The following TRIM37 variants were observed in gnomAD, a reference collection of about 807,000 sequenced individuals.
TRIM37 encodes E3 ubiquitin-protein ligase TRIM37.
In TRIM37, 80 loss-of-function variants were observed where a neutral mutation model predicts 129.8. The observed-to-expected ratio is 0.62, with a 90% CI of 0.51 to 0.74. TRIM37 has a LOEUF of 0.74. TRIM37 is among the 30% of genes least tolerant of loss of function. The pLI is 0.00. For missense variants in TRIM37, 1,054 were observed against 1,176.5 expected (o/e 0.90, Z 1.52); for synonymous variants, 389 against 387.1 (o/e 1.00, Z -0.06).
At chr17:59,086,871 A>G (rs1568213357) in intron 4 of TRIM37, among the ~76,000 whole-genome samples, 1 of 152,218 alleles carries the variant, frequency 6.6e-6, no homozygotes, top group Non-Finnish European at 1.5e-5. Flanking sequence ...GTAGCAGTCT[A>G]TTCCTTTTGA....
Position 59,056,995 on chromosome 17 carries a change from A to G in TRIM37, c.1079T>C (p.Ile360Thr). The change falls in exon 13 of 24, where the codon ATT becomes ACT. Residue 360 changes from isoleucine to threonine, a missense_variant. Ile to Thr is a moderately conservative substitution (Grantham distance 89). Around this residue, in one of 3 missense-constraint regions of TRIM37, gnomAD observed 752 missense variants for 870.8 expected, o/e 0.86. Coordinates refer to ENST00000262294, the MANE Select transcript of TRIM37 (RefSeq NM_015294.6). ...QSCNDPTKNI[I>T]REFASDFEVG... ...TTCAAAGTCAGATGCAAATTCTCGA[A>G]TGATATTTTTTGTAGGATCATTACA... The G allele has an allele frequency of 1.2e-6, 2 of 1,613,908 alleles. No individual in the cohort carries two copies. The highest frequency in any genetic ancestry group is 1.7e-6 in the Non-Finnish European group (2 of 1,179,912).
chr17:59,006,657 G>C (rs1452832108), intron 22 of TRIM37, among the ~76,000 whole-genome samples: 3 of 152,120 alleles, frequency 2.0e-5, no homozygotes, highest in Non-Finnish European at 4.4e-5. Flanking sequence ...GGGTGGCCAA[G>C]GCAGGCAGAT....
intron 2 of TRIM37, among the ~76,000 whole-genome samples, chr17:59,100,982 A>G (rs2045405328): frequency 6.7e-6 from 1 of 149,594 alleles, no homozygotes; most frequent in South Asian, 2.1e-4. Context: ...AGATCGCGTC[A>G]TTGCACTCCA....
At chr17:58,985,466 G>A (rs1273598836) in intron 24 of TRIM37, among the ~76,000 whole-genome samples, 1 of 152,146 alleles carries the variant, frequency 6.6e-6, no homozygotes, top group Non-Finnish European at 1.5e-5. Context: ...ACTAAGCGGT[G>A]GTCATCAAAT....
intron 12 of TRIM37, 54 bp downstream of exon 12, chr17:59,060,977 TA>T (rs2041436686): frequency 7.6e-7 from 1 of 1,317,764 alleles, no homozygotes; most frequent in Admixed American, 1.7e-5. Flanking sequence ...CAAAAATTGC[TA>T]GGGGGAAGGT....
chr17:58,972,188 T>C, the TRIM37 span: 3 of 1,614,090 alleles, frequency 1.9e-6, no homozygotes, highest in Admixed American at 5.0e-5. Context: ...ACATGCTACA[T>C]GTGGCCTGGG....
downstream of TRIM37, chr17:58,981,742 T>C (rs1212308822): frequency 1.2e-5 from 1 of 85,128 alleles, no homozygotes; most frequent in Non-Finnish European, 2.3e-5. Context: ...CATAACCTGT[T>C]ATGGTGCTTT....
chr17:59,056,147 T>TC lies in TRIM37; in HGVS notation c.1199+727dup, dbSNP rs1273667215. On this transcript the variant is annotated intron_variant, in intron 13 of 23. Coordinates refer to ENST00000262294, the MANE Select transcript of TRIM37 (RefSeq NM_015294.6). ...TCCAAATGGTGAGGTCACTAGAAGT[T>TC]CAACAGACAAATGGAACATTACTAT... 1.1e-4 allele frequency among the ~76,000 whole-genome samples: 17 copies of TC among 152,244 alleles called. No individual in the cohort carries two copies. The East Asian group carries it at 2.9e-3, about 26-fold the overall frequency.
At chr17:59,056,580 A>T (rs2040895066) in intron 13 of TRIM37, among the ~76,000 whole-genome samples, 1 of 151,680 alleles carries the variant, frequency 6.6e-6, no homozygotes, top group Non-Finnish European at 1.5e-5. Context: ...ATAGTAAAAA[A>T]TTAGCCAGGC....
chr17:59,079,795 C>T lies in TRIM37; in HGVS notation c.575G>A (p.Arg192Gln). The T allele has an allele frequency of 6.2e-7, 1 of 1,614,046 alleles. No individual in the cohort carries two copies. The highest frequency in any genetic ancestry group is 8.5e-7 in the Non-Finnish European group (1 of 1,179,960). ...IRNAVEMMIARLDTQLKNKLI... is the reference protein window; with the variant it reads ...IRNAVEMMIAQLDTQLKNKLI... Reference sequence around the variant, plus strand: ...CTTATTCTTCAGCTGTGTGTCTAACCGTGCAATCATCATCTCCACTGCATT... The same window carrying T: ...CTTATTCTTCAGCTGTGTGTCTAACTGTGCAATCATCATCTCCACTGCATT... The change falls in exon 7 of 24, where the codon CGG becomes CAG. Residue 192 changes from arginine to glutamine, a missense_variant. Arg to Gln is a conservative substitution (Grantham distance 43). Around this residue, in one of 3 missense-constraint regions of TRIM37, gnomAD observed 752 missense variants for 870.8 expected, o/e 0.86. Coordinates refer to ENST00000262294, the MANE Select transcript of TRIM37 (RefSeq NM_015294.6).
intron 7 of TRIM37, among the ~76,000 whole-genome samples, chr17:59,076,300 G>A (rs900326627): frequency 4.6e-5 from 7 of 152,234 alleles, no homozygotes; most frequent in African/African-American, 1.7e-4. Flanking sequence ...CAGCACTTTG[G>A]GAGGCCAAAG....
intron 19 of TRIM37, among the ~76,000 whole-genome samples, chr17:59,026,880 C>G (rs770101411): frequency 5.3e-5 from 8 of 152,172 alleles, no homozygotes; most frequent in Non-Finnish European, 1.0e-4. Flanking sequence ...TCTTGAGATG[C>G]ATTATTTTTG....
chr17:59,043,533 T>C (rs1001855444), intron 16 of TRIM37, among the ~76,000 whole-genome samples: 6 of 152,164 alleles, frequency 3.9e-5, no homozygotes, highest in Non-Finnish European at 7.4e-5. Context: ...AGAGGAGGGC[T>C]ATATTCCTGG....
chr17:58,977,891 T>A (rs2031114803), downstream of TRIM37, among the ~76,000 whole-genome samples: 1 of 152,120 alleles, frequency 6.6e-6, no homozygotes, highest in Non-Finnish European at 1.5e-5. Context: ...TTTGCATGCA[T>A]GCCACCAGGC....
At chr17:59,049,978 G>T (rs1337926532) in intron 14 of TRIM37, among the ~76,000 whole-genome samples, 5 of 152,284 alleles carry the variant, frequency 3.3e-5, no homozygotes, top group African/African-American at 1.2e-4. Flanking sequence ...CATTTAACAT[G>T]AAAATCTCTG....
chr17:59,051,960 G>A (rs927859821), intron 13 of TRIM37, among the ~76,000 whole-genome samples: 9 of 151,820 alleles, frequency 5.9e-5, no homozygotes, highest in African/African-American at 2.2e-4. Context: ...TCCATCTCAC[G>A]TTCCCGTATT....
intron 16 of TRIM37, among the ~76,000 whole-genome samples, chr17:59,042,353 C>T (rs1372171644): frequency 9.8e-5 from 13 of 132,296 alleles, no homozygotes; most frequent in African/African-American, 3.5e-4. Flanking sequence ...CCAGCCTGGG[C>T]GACAGAGCGA....
rs753399922 is a variant in TRIM37, at chr17:59,028,615, C to A, written c.2057G>T (p.Arg686Leu). 6.2e-7 allele frequency: 1 copy of A among 1,614,216 alleles called. No individual in the cohort carries two copies. Residue 686 changes from arginine to leucine, a missense_variant, in exon 19 of 24, where the codon CGA (arginine) becomes CTA (leucine). This residue lies in a region of TRIM37 where 752 missense variants were observed against 870.8 expected (regional missense o/e 0.86). Coordinates refer to ENST00000262294, the MANE Select transcript of TRIM37 (RefSeq NM_015294.6). ...ATTCTTTACATCAGTTTTCATACAT[C>A]GAACTTCGGCCATTTGAGTTTTGAG... is the stretch of plus-strand genomic sequence containing the variant. ...KRLKTQMAEV[R>L]CMKTDVKNTL...
At chr17:59,020,972 T>G (rs2036533444) in intron 19 of TRIM37, among the ~76,000 whole-genome samples, 1 of 152,242 alleles carries the variant, frequency 6.6e-6, no homozygotes, top group South Asian at 2.1e-4. Flanking sequence ...ATCCCACTGC[T>G]GGTTATATAC....
Sources: gnomAD v4.1 joint callset for allele counts (sites outside exome capture counted in the v4.1 genomes callset) on GRCh38, gnomAD v4.1.1 for gene constraint, gnomAD v4.1.1 regional missense constraint, MANE v1.5 for transcripts, NCBI Gene and HGNC (gene_info 2026-07-23, HGNC 2026-07-21) for gene names.